The following PRKN variants were observed in gnomAD, a reference collection of about 807,000 sequenced individuals.
The protein encoded by PRKN is E3 ubiquitin-protein ligase parkin.
PRKN carries 56 observed loss-of-function variants against 59.5 expected under a neutral mutation model. The ratio of observed to expected loss-of-function variants is 0.94; its 90% CI spans 0.76 to 1.18. The LOEUF (loss-of-function observed/expected upper bound fraction) is 1.18. Ranked by LOEUF, PRKN falls within the 50% of genes most tolerant of loss-of-function variation. The pLI is 0.00. For missense variants in PRKN, 657 were observed against 596.4 expected, an observed-to-expected ratio of 1.10 and a Z score of -1.06; for synonymous variants, 250 against 222.1, an observed-to-expected ratio of 1.13 and a Z score of -1.12.
chr6:161,726,233 G>T (rs1004163282), intron 7 of PRKN, among the ~76,000 whole-genome samples: 1 of 152,186 alleles, frequency 6.6e-6, no homozygotes, highest in Non-Finnish European at 1.5e-5. Context: ...TGGATTCAAA[G>T]ATGTGTCATA....
At chr6:162,495,808 C>T (rs886692494) in intron 1 of PRKN, among the ~76,000 whole-genome samples, 2 of 152,166 alleles carry the variant, frequency 1.3e-5, no homozygotes, top group Admixed American at 1.3e-4. Context: ...CTCCAGCCTC[C>T]TCACCAGGTT....
At chr6:162,645,286 G>A (rs1778124022) in intron 1 of PRKN, among the ~76,000 whole-genome samples, 1 of 152,078 alleles carries the variant, frequency 6.6e-6, no homozygotes, top group South Asian at 2.1e-4. Context: ...TGTAACTATT[G>A]CAGCCTCATT....
chr6:161,531,902 TG>T (rs1779226545), intron 9 of PRKN, among the ~76,000 whole-genome samples: 1 of 152,102 alleles, frequency 6.6e-6, no homozygotes, highest in African/African-American at 2.4e-5. Context: ...ACTGTTACAA[TG>T]GATCCCACTT....
chr6:162,660,766 T>C (rs779662358), intron 1 of PRKN, among the ~76,000 whole-genome samples: 19 of 152,174 alleles, frequency 1.2e-4, no homozygotes, highest in Admixed American at 3.3e-4. Flanking sequence ...GGTCTGTTCA[T>C]TGATCTTAAA....
At chr6:162,463,366 A>G (rs773388631) in intron 1 of PRKN, among the ~76,000 whole-genome samples, 2 of 152,146 alleles carry the variant, frequency 1.3e-5, no homozygotes, top group African/African-American at 2.4e-5. Context: ...CTGTTAGGAG[A>G]TTATTCTCCA....
At chr6:162,252,882 G>A (rs1024653685) in intron 3 of PRKN, among the ~76,000 whole-genome samples, 1 of 152,232 alleles carries the variant, frequency 6.6e-6, no homozygotes, top group African/African-American at 2.4e-5. Flanking sequence ...TTATCAATGA[G>A]TGAATAAACA....
chr6:161,476,023 A>G (rs2115215658), intron 9 of PRKN, among the ~76,000 whole-genome samples: 1 of 152,048 alleles, frequency 6.6e-6, no homozygotes, highest in East Asian at 1.9e-4. Flanking sequence ...TGTCTCTACT[A>G]AAAATACAAA....
At chr6:161,370,984 G>T (rs940807929) in intron 10 of PRKN, among the ~76,000 whole-genome samples, 1 of 152,172 alleles carries the variant, frequency 6.6e-6, no homozygotes. Context: ...GCACTGCTGC[G>T]TGTGAGCAGC....
chr6:162,625,413 G>C (rs538987044), intron 1 of PRKN, among the ~76,000 whole-genome samples: 1 of 152,304 alleles, frequency 6.6e-6, no homozygotes, highest in African/African-American at 2.4e-5. Context: ...ACATGGGGAT[G>C]GGTGATGCTG....
In PRKN at chr6:161,366,290, G is replaced by C. The variant is rs1247600146; in HGVS notation, c.1168-6085C>G. Among the ~76,000 whole-genome samples the C allele has an allele frequency of 2.0e-5, 3 of 152,244 alleles. No homozygotes were observed. In the East Asian group the frequency reaches 5.8e-4, roughly 30 times the overall value. On this transcript the variant is annotated intron_variant, in intron 10 of 11. Coordinates refer to ENST00000366898, the MANE Select transcript of PRKN (RefSeq NM_004562.3). ...TGAGCTTTGGTTCCTGTAAGCCATG[G>C]GCAGCAGCGTGGGTTAAGAGGCACC...
chr6:161,615,202 CAGCT>C, intron 7 of PRKN, among the ~76,000 whole-genome samples: 5 of 152,214 alleles, frequency 3.3e-5, no homozygotes, highest in African/African-American at 2.4e-5. Flanking sequence ...GGTCTTGAAA[CAGCT>C]AGATGCCTTT....
chr6:161,582,520 A>G lies in PRKN; in HGVS notation c.872-13104T>C, dbSNP rs1444228929. ...AGGCTCACTGCAAGCTCCGCCTCCCAGGTTCACGCCATTCTCCTGCCTCAG... is the reference window on the plus strand; with the variant it reads ...AGGCTCACTGCAAGCTCCGCCTCCCGGGTTCACGCCATTCTCCTGCCTCAG... On this transcript the variant is annotated intron_variant, in intron 7 of 11. Coordinates refer to ENST00000366898, the MANE Select transcript of PRKN (RefSeq NM_004562.3). This position sits in a 1 kb window ranked among gnomAD's most constrained non-coding sequence, Gnocchi z 4.4. Among the ~76,000 whole-genome samples the G allele has an allele frequency of 1.3e-5, 2 of 151,608 alleles. No individual in the cohort carries two copies. Among genetic ancestry groups the G allele is most frequent in the African/African-American group, 4.9e-5 (2 of 41,216 alleles).
At chr6:161,858,019 T>C (rs962591455) in intron 6 of PRKN, among the ~76,000 whole-genome samples, 1 of 152,230 alleles carries the variant, frequency 6.6e-6, no homozygotes, top group Non-Finnish European at 1.5e-5. Context: ...CTGAAACTTA[T>C]GAATTGGCTG....
chr6:162,050,797 C>T (rs1001819164), intron 5 of PRKN, among the ~76,000 whole-genome samples: 4 of 152,228 alleles, frequency 2.6e-5, no homozygotes, highest in African/African-American at 9.6e-5. Flanking sequence ...CTCGAGCCCT[C>T]GCTGGGACTT....
chr6:162,201,007 A>G, intron 4 of PRKN, 124 bp downstream of exon 4: 1 of 1,105,986 alleles, frequency 9.0e-7, no homozygotes, highest in Middle Eastern at 2.6e-4. Flanking sequence ...AACTATCACA[A>G]CCACAGAAGA....
In PRKN at chr6:161,757,833, A is replaced by ATCTCTCTCCCTCTCTCTC. The variant is rs1554301288; in HGVS notation, c.871+27938_871+27939insGAGAGAGAGGGAGAGAGA. On this transcript the variant is annotated intron_variant, in intron 7 of 11. Transcript: ENST00000366898. The stretch of plus-strand genomic sequence containing the variant: ...AGCCTGGGCAATAGAGCAAAACTCC[A>ATCTCTCTCCCTCTCTCTC]TCTCTCTCTCTCTCTCTCTCTCTCT... 2.4e-3 allele frequency among the ~76,000 whole-genome samples: 90 copies of ATCTCTCTCCCTCTCTCTC among 37,624 alleles called. 2 individuals carry two copies. Among genetic ancestry groups the ATCTCTCTCCCTCTCTCTC allele is most frequent in the Middle Eastern group, 0.013 (1 of 78 alleles). 24.7% of individuals were successfully genotyped at this position (37,624 alleles called of 152,430 possible).
At chr6:162,283,696 T>C (rs547045474) in intron 2 of PRKN, among the ~76,000 whole-genome samples, 183 of 152,282 alleles carry the variant, frequency 1.2e-3, no homozygotes, top group African/African-American at 4.3e-3. Flanking sequence ...AATTTTTGTA[T>C]TTTTAGTAGA....
At chr6:162,540,317 C>T (rs1427301874) in intron 1 of PRKN, among the ~76,000 whole-genome samples, 2 of 152,194 alleles carry the variant, frequency 1.3e-5, no homozygotes, top group Non-Finnish European at 2.9e-5. Context: ...GCAATCTCTG[C>T]CTCACGGGTT....
rs899395405 is a variant in PRKN, at chr6:161,538,002, C to T, written c.1083+10852G>A. 7.9e-5 allele frequency among the ~76,000 whole-genome samples: 12 copies of T among 152,096 alleles called. No individual in the cohort carries two copies. The highest frequency in any genetic ancestry group is 2.7e-4 in the African/African-American group (11 of 41,400). On this transcript the variant is annotated intron_variant, in intron 9 of 11. Coordinates refer to ENST00000366898, the MANE Select transcript of PRKN (RefSeq NM_004562.3). The surrounding 1 kb of genome is among the most constrained non-coding windows in gnomAD (Gnocchi z 4.2). Reference sequence around the variant, plus strand: ...GAACTCTGGTCAATAACCAACACGGCTTTGTGAAGAAAAATGTGATGTGTG... The same window carrying T: ...GAACTCTGGTCAATAACCAACACGGTTTTGTGAAGAAAAATGTGATGTGTG...
Sources: allele counts gnomAD v4.1 joint callset (sites outside exome capture counted in the v4.1 genomes callset), GRCh38; gene constraint gnomAD v4.1.1; non-coding constraint Gnocchi (gnomAD v3.1); transcripts MANE v1.5; gene names NCBI Gene and HGNC (gene_info 2026-07-23, HGNC 2026-07-21).